ARL15: variants seen among roughly 807,000 people sequenced by gnomAD.
ARL15 encodes the protein ARF like GTPase 15, also known as ADP-ribosylation factor-like protein 15.
Under a neutral mutation model 25.2 loss-of-function variants are expected in ARL15, and 19 were observed. The ratio of observed to expected loss-of-function variants is 0.75; its 90% confidence interval spans 0.53 to 1.10. The LOEUF (loss-of-function observed/expected upper bound fraction) is 1.10, where lower values mean the gene tolerates loss of function less well. Ranked by LOEUF, ARL15 falls within the 50% of genes least tolerant of loss-of-function variation. The probability of loss-of-function intolerance (pLI) is 0.00; values close to 1 mark genes in which losing one functional copy is unlikely to be tolerated. For synonymous variants in ARL15, 94 were observed against 86.8 expected (o/e 1.08, Z -0.46); for missense variants, 220 against 246.0 (o/e 0.89, Z 0.71).
chr5:54,165,658 A>G (rs1754540775), intron 2 of ARL15, among the ~76,000 whole-genome samples: 1 of 151,348 alleles, frequency 6.6e-6, no homozygotes, highest in Non-Finnish European at 1.5e-5. Flanking sequence ...AGAGAAAAAA[A>G]AAACCAAAAG....
chr5:53,944,586 T>C (rs983315019), intron 4 of ARL15, among the ~76,000 whole-genome samples: 1 of 152,032 alleles, frequency 6.6e-6, no homozygotes, highest in African/African-American at 2.4e-5. Flanking sequence ...AGTGAGACCC[T>C]GCCTCAAAAA....
In ARL15 at chr5:54,262,687, C is replaced by A. The variant is rs189019178; in HGVS notation, c.48+47745G>T. Among the ~76,000 whole-genome samples the A allele has an allele frequency of 2.6e-3, 403 of 152,118 alleles. 6 individuals are homozygous for A. Among genetic ancestry groups the A allele is most frequent in the African/African-American group, 9.5e-3 (393 of 41,492 alleles). ...CCTTTTGCCAAGCAGAGCTGAGAGCCCCTTCTTGTACTCCTCATATGATCT... is the reference window on the plus strand; with the variant it reads ...CCTTTTGCCAAGCAGAGCTGAGAGCACCTTCTTGTACTCCTCATATGATCT... On this transcript the variant is annotated intron_variant, in intron 1 of 4. Transcript: ENST00000504924.
At chr5:54,278,155 T>G (rs10940372) in intron 1 of ARL15, among the ~76,000 whole-genome samples, 86,959 of 152,090 alleles carry the variant, frequency 0.57, 26,601 homozygotes, top group Non-Finnish European at 0.69. Flanking sequence ...CATGATGGTG[T>G]TATTATAGTT....
chr5:54,247,463 G>A (rs1296273283), intron 1 of ARL15, among the ~76,000 whole-genome samples: 4 of 151,318 alleles, frequency 2.6e-5, no homozygotes, highest in East Asian at 3.9e-4. Flanking sequence ...CCCTATGAAC[G>A]CATACTCTGC....
intron 3 of ARL15, among the ~76,000 whole-genome samples, chr5:54,125,657 T>C (rs1753228538): frequency 6.6e-6 from 1 of 152,232 alleles, no homozygotes; most frequent in Non-Finnish European, 1.5e-5. Context: ...TGTTTGAACA[T>C]CTGTTTTCAA....
chr5:54,223,743 T>G (rs143699164), intron 1 of ARL15, among the ~76,000 whole-genome samples: 58 of 152,272 alleles, frequency 3.8e-4, no homozygotes, highest in African/African-American at 1.4e-3. Context: ...ACTTGCAACA[T>G]GGTCATCTTG....
intron 4 of ARL15, among the ~76,000 whole-genome samples, chr5:53,986,935 C>A (rs528376150): frequency 6.6e-6 from 1 of 152,188 alleles, no homozygotes; most frequent in African/African-American, 2.4e-5. Flanking sequence ...ATGTGGAGAA[C>A]ACAAAAGAAA....
At chr5:54,170,222 T>C (rs1754676112) in intron 2 of ARL15, among the ~76,000 whole-genome samples, 1 of 152,080 alleles carries the variant, frequency 6.6e-6, no homozygotes, top group East Asian at 1.9e-4. Context: ...CTCAAATATA[T>C]ATCCTACCTA....
intron 4 of ARL15, among the ~76,000 whole-genome samples, chr5:54,093,041 T>C (rs945117516): frequency 1.3e-5 from 2 of 152,192 alleles, no homozygotes; most frequent in Non-Finnish European, 2.9e-5. Flanking sequence ...TATAGGCACA[T>C]TTACATGCAG....
intron 4 of ARL15, among the ~76,000 whole-genome samples, chr5:53,977,354 C>CAAAA (rs397884651): frequency 1.2e-4 from 11 of 90,244 alleles, no homozygotes; most frequent in South Asian, 4.1e-4. Context: ...GACTCCGCCT[C>CAAAA]AAAAAAAAAA....
chr5:54,203,401 C>G (rs1005074062), intron 1 of ARL15, among the ~76,000 whole-genome samples: 1 of 152,128 alleles, frequency 6.6e-6, no homozygotes, highest in African/African-American at 2.4e-5. Context: ...CAAAATACTT[C>G]GCAGCATCAC....
chr5:53,955,985 A>AGTT (rs201793840), intron 4 of ARL15, among the ~76,000 whole-genome samples: 6 of 152,132 alleles, frequency 3.9e-5, no homozygotes, highest in South Asian at 2.1e-4. Flanking sequence ...AGCTGGAGAG[A>AGTT]GTTGTTGTTG....
chr5:54,093,733 C>T (rs1415433535), intron 4 of ARL15, among the ~76,000 whole-genome samples: 2 of 147,598 alleles, frequency 1.4e-5, no homozygotes, highest in African/African-American at 5.0e-5. Context: ...GGTTATTAAA[C>T]TTTTTAAATA....
At chr5:54,027,305 T>C (rs1749811406) in intron 4 of ARL15, among the ~76,000 whole-genome samples, 1 of 152,078 alleles carries the variant, frequency 6.6e-6, no homozygotes, top group East Asian at 1.9e-4. Context: ...AGAAAGTTTT[T>C]GAAAAAAATT....
intron 4 of ARL15, among the ~76,000 whole-genome samples, chr5:54,019,572 ATC>A (rs1465116557): frequency 2.0e-5 from 3 of 152,232 alleles, no homozygotes; most frequent in African/African-American, 7.2e-5. Flanking sequence ...TCACTGAATT[ATC>A]TCAATCTCTG....
intron 4 of ARL15, among the ~76,000 whole-genome samples, chr5:53,963,157 C>T (rs1404402822): frequency 2.6e-5 from 4 of 152,136 alleles, no homozygotes; most frequent in South Asian, 2.1e-4. Flanking sequence ...ATGTTTACTA[C>T]CTAATTAGCA....
At chr5:54,281,975 G>A (rs1758072430) in intron 1 of ARL15, among the ~76,000 whole-genome samples, 1 of 152,106 alleles carries the variant, frequency 6.6e-6, no homozygotes. Flanking sequence ...TATTATTGAT[G>A]GACATTCGTA....
chr5:54,300,804 T>C (rs976147409), intron 1 of ARL15, among the ~76,000 whole-genome samples: 1 of 152,200 alleles, frequency 6.6e-6, no homozygotes, highest in African/African-American at 2.4e-5. Flanking sequence ...CAGTCTTCCC[T>C]CCCTTTCCAA....
chr5:54,079,156 T>C (rs116467482), intron 4 of ARL15, among the ~76,000 whole-genome samples: 242 of 152,330 alleles, frequency 1.6e-3, no homozygotes, highest in Admixed American at 2.9e-3. Context: ...GTCATACATG[T>C]ATTAATTCCT....
Sources: allele counts gnomAD v4.1 joint callset (sites outside exome capture counted in the v4.1 genomes callset), GRCh38; gene constraint gnomAD v4.1.1; transcripts MANE v1.5; gene names NCBI Gene and HGNC (gene_info 2026-07-23, HGNC 2026-07-21).